Variants in LHFPL3 observed in about 807,000 individuals in gnomAD.
LHFPL3 encodes the protein LHFPL tetraspan subfamily member 3 protein.
A neutral mutation model predicts 19.3 loss-of-function variants in LHFPL3; 5 were observed. That is an observed-to-expected ratio of 0.26 (90% CI 0.14 to 0.54). LHFPL3 has a LOEUF of 0.54. Among genes scored for constraint, LHFPL3 ranks in the 20% least tolerant of loss-of-function variants. The pLI, the probability that LHFPL3 is intolerant of heterozygous loss-of-function variation, is 0.94. For missense variants in LHFPL3, 249 were observed against 307.4 expected (o/e 0.81, Z 1.42); for synonymous variants, 133 against 126.2 (o/e 1.05, Z -0.36).
chr7:104,445,088 TTTTTGTTAG>T (rs1304264854), intron 1 of LHFPL3, among the ~76,000 whole-genome samples: 1 of 152,206 alleles, frequency 6.6e-6, no homozygotes, highest in Non-Finnish European at 1.5e-5. Context: ...CCTAGGCAGT[TTTTTGTTAG>T]TTTGCTGGTG....
intron 1 of LHFPL3, among the ~76,000 whole-genome samples, chr7:104,643,480 C>A (rs115020108): frequency 6.6e-6 from 1 of 152,160 alleles, no homozygotes; most frequent in South Asian, 2.1e-4. Flanking sequence ...GATACCTACA[C>A]TGTATATTTT....
intron 1 of LHFPL3, among the ~76,000 whole-genome samples, chr7:104,398,420 C>A (rs1028288921): frequency 2.6e-5 from 4 of 152,170 alleles, no homozygotes; most frequent in Non-Finnish European, 5.9e-5. Flanking sequence ...TGTTCTATCT[C>A]AATCATTTTC....
intron 1 of LHFPL3, among the ~76,000 whole-genome samples, chr7:104,465,047 C>G (rs34578153): frequency 0.18 from 27,722 of 152,144 alleles, 2,556 homozygotes; most frequent in African/African-American, 0.22. Flanking sequence ...TCATCTCTCT[C>G]AAATTCAAAG....
chr7:104,664,154 A>G (rs1027830517), intron 1 of LHFPL3, among the ~76,000 whole-genome samples: 5 of 152,178 alleles, frequency 3.3e-5, no homozygotes, highest in Admixed American at 2.6e-4. Flanking sequence ...CAACATTACA[A>G]TGAATTTTGT....
intron 1 of LHFPL3, among the ~76,000 whole-genome samples, chr7:104,574,656 A>C (rs910677595): frequency 1.3e-5 from 2 of 152,220 alleles, no homozygotes; most frequent in African/African-American, 2.4e-5. Context: ...AAATTCGTCT[A>C]TATTATACAT....
chr7:104,525,400 G>A (rs1168550854), intron 1 of LHFPL3, among the ~76,000 whole-genome samples: 1 of 152,112 alleles, frequency 6.6e-6, no homozygotes, highest in African/African-American at 2.4e-5. Context: ...CTAGGATAAT[G>A]CAGATACTTT....
intron 2 of LHFPL3, among the ~76,000 whole-genome samples, chr7:104,810,824 G>A (rs1182540383): frequency 6.6e-6 from 1 of 152,246 alleles, no homozygotes; most frequent in Non-Finnish European, 1.5e-5. Context: ...AGAGCTTGAA[G>A]AGAAATCCTT....
chr7:104,466,819 C>T (rs762410564), intron 1 of LHFPL3, among the ~76,000 whole-genome samples: 4 of 152,204 alleles, frequency 2.6e-5, no homozygotes, highest in African/African-American at 4.8e-5. Flanking sequence ...ATGTTTCCAG[C>T]AGCATAGCAT....
At chr7:104,686,538 A>T (rs1792809489) in intron 1 of LHFPL3, among the ~76,000 whole-genome samples, 1 of 152,132 alleles carries the variant, frequency 6.6e-6, no homozygotes, top group South Asian at 2.1e-4. Flanking sequence ...GTCCCCACAC[A>T]CCAAGTAATT....
At chr7:104,556,363 G>A (rs946659968) in intron 1 of LHFPL3, among the ~76,000 whole-genome samples, 1 of 152,196 alleles carries the variant, frequency 6.6e-6, no homozygotes, top group African/African-American at 2.4e-5. Context: ...AATCTAGGCA[G>A]AGGTTCCCAA....
chr7:104,825,774 C>T (rs538982753), intron 2 of LHFPL3, among the ~76,000 whole-genome samples: 39 of 151,978 alleles, frequency 2.6e-4, no homozygotes, highest in Admixed American at 2.4e-3. Flanking sequence ...ATAGTTGCAG[C>T]AGCTCCAACA....
chr7:104,421,820 T>C (rs1254226831), intron 1 of LHFPL3, among the ~76,000 whole-genome samples: 2 of 152,182 alleles, frequency 1.3e-5, no homozygotes, highest in African/African-American at 2.4e-5. Flanking sequence ...TACATTGAAA[T>C]GCTAACTTCC....
At chr7:104,409,952 T>C (rs17137405) in intron 1 of LHFPL3, among the ~76,000 whole-genome samples, 2,394 of 152,166 alleles carry the variant, frequency 0.016, 58 homozygotes, top group African/African-American at 0.054. Context: ...GTTACCCAGA[T>C]GCTGTATCAA....
At chr7:104,843,913 G>A (rs1244999068) in intron 2 of LHFPL3, among the ~76,000 whole-genome samples, 1 of 152,196 alleles carries the variant, frequency 6.6e-6, no homozygotes, top group Non-Finnish European at 1.5e-5. Flanking sequence ...ATCTACATGA[G>A]CAAATGCACC....
chr7:104,733,710 A>G (rs1360222619), intron 1 of LHFPL3, among the ~76,000 whole-genome samples: 1 of 152,202 alleles, frequency 6.6e-6, no homozygotes, highest in African/African-American at 2.4e-5. Context: ...TGGAGGATTT[A>G]GCCCATTTAC....
At chr7:104,611,180 A>T (rs1791207258) in intron 1 of LHFPL3, among the ~76,000 whole-genome samples, 1 of 152,228 alleles carries the variant, frequency 6.6e-6, no homozygotes, top group Admixed American at 6.5e-5. Context: ...GATAAATTTT[A>T]TTAAATGATG....
chr7:104,633,998 C>T (rs1194076202), intron 1 of LHFPL3, among the ~76,000 whole-genome samples: 3 of 152,256 alleles, frequency 2.0e-5, no homozygotes, highest in South Asian at 2.1e-4. Flanking sequence ...TAGTCACCTA[C>T]GTATTTCAGT....
intron 1 of LHFPL3, among the ~76,000 whole-genome samples, chr7:104,661,122 C>G (rs574432897): frequency 2.6e-5 from 4 of 152,268 alleles, no homozygotes; most frequent in Admixed American, 2.6e-4. Context: ...CAGTGATGGT[C>G]CATGACATCT....
chr7:104,588,779 T>C (rs995294448), intron 1 of LHFPL3, among the ~76,000 whole-genome samples: 2 of 152,148 alleles, frequency 1.3e-5, no homozygotes, highest in Non-Finnish European at 2.9e-5. Flanking sequence ...TATTTGTGTC[T>C]TCTTTTATTT....
Sources: allele counts gnomAD v4.1 joint callset (sites outside exome capture counted in the v4.1 genomes callset), GRCh38; gene constraint gnomAD v4.1.1; transcripts MANE v1.5; gene names NCBI Gene and HGNC (gene_info 2026-07-23, HGNC 2026-07-21).